DNM3: variants seen among roughly 807,000 people sequenced by gnomAD.
DNM3 encodes the protein dynamin 3, also known as dynamin-3.
In DNM3, 47 loss-of-function variants were observed where a neutral mutation model predicts 101.6. That is an observed-to-expected ratio of 0.46 (90% CI 0.37 to 0.59). The LOEUF is 0.59. DNM3 is among the 20% of genes least tolerant of loss of function. DNM3 has a pLI of 0.00. For synonymous variants in DNM3, 385 were observed against 387.9 expected (o/e 0.99, Z 0.09); for missense variants, 849 against 1,085.7 (o/e 0.78, Z 3.06).
intron 10 of DNM3, among the ~76,000 whole-genome samples, chr1:172,067,186 T>A (rs1171304051): frequency 6.6e-6 from 1 of 152,230 alleles, no homozygotes. Flanking sequence ...AGTTTGTTTT[T>A]CCTTCTGCTT....
intron 17 of DNM3, among the ~76,000 whole-genome samples, chr1:172,353,574 C>T (rs149417377): frequency 6.6e-6 from 1 of 152,256 alleles, no homozygotes; most frequent in African/African-American, 2.4e-5. Context: ...CTTTCTTCCT[C>T]ACAGATATAA....
chr1:172,126,868 G>A (rs1006425921), intron 13 of DNM3, among the ~76,000 whole-genome samples: 1 of 151,834 alleles, frequency 6.6e-6, no homozygotes, highest in African/African-American at 2.4e-5. Flanking sequence ...CTTCAACATC[G>A]TTACACTTCT....
chr1:172,182,877 A>G (rs928146122), intron 14 of DNM3, among the ~76,000 whole-genome samples: 4 of 152,174 alleles, frequency 2.6e-5, no homozygotes, highest in Non-Finnish European at 4.4e-5. Flanking sequence ...TGAGAATAGT[A>G]TCAGCACTTT....
chr1:172,061,545 G>A (rs894035866), intron 10 of DNM3, among the ~76,000 whole-genome samples: 114 of 151,854 alleles, frequency 7.5e-4, no homozygotes, highest in African/African-American at 2.5e-3. Context: ...CGTGTCCTTT[G>A]TAGGGACATG....
At chr1:171,933,260 G>A (rs979854638) in intron 2 of DNM3, among the ~76,000 whole-genome samples, 2 of 152,172 alleles carry the variant, frequency 1.3e-5, no homozygotes, top group African/African-American at 2.4e-5. Flanking sequence ...AATAAAATGG[G>A]GGAAAGAAGC....
chr1:171,895,896 A>T (rs1432463467), intron 1 of DNM3, among the ~76,000 whole-genome samples: 1 of 152,194 alleles, frequency 6.6e-6, no homozygotes, highest in Non-Finnish European at 1.5e-5. Context: ...TAAATAGGGA[A>T]TCCTTTCCCC....
chr1:171,958,825 A>T (rs2043026831), intron 2 of DNM3, among the ~76,000 whole-genome samples: 1 of 152,224 alleles, frequency 6.6e-6, no homozygotes, highest in Admixed American at 6.5e-5. Flanking sequence ...CTTTTGTTAC[A>T]TTCGTTTCTA....
intron 1 of DNM3, among the ~76,000 whole-genome samples, chr1:171,882,891 A>G (rs911935794): frequency 7.2e-5 from 11 of 152,070 alleles, no homozygotes; most frequent in Non-Finnish European, 1.3e-4. Context: ...GTCCAAGGAT[A>G]CTTCTGACAT....
intron 15 of DNM3, among the ~76,000 whole-genome samples, chr1:172,273,410 T>G (rs1490557604): frequency 6.6e-6 from 1 of 152,086 alleles, no homozygotes; most frequent in Non-Finnish European, 1.5e-5. Context: ...GATAAAAATT[T>G]TAAAACTACA....
chr1:172,164,576 G>A (rs1482862582), intron 14 of DNM3, among the ~76,000 whole-genome samples: 2 of 151,830 alleles, frequency 1.3e-5, no homozygotes, highest in African/African-American at 4.8e-5. Flanking sequence ...ATCAAAGGAG[G>A]CCTTTACTAT....
At chr1:172,138,773 T>A in intron 14 of DNM3, 2 of 389,846 alleles carry the variant, frequency 5.1e-6, no homozygotes, top group South Asian at 2.0e-5. Context: ...GAGGGCTGCT[T>A]TCTTTCAATG....
chr1:171,982,978 A>G (rs142583637), intron 2 of DNM3, among the ~76,000 whole-genome samples: 277 of 151,486 alleles, frequency 1.8e-3, no homozygotes, highest in Non-Finnish European at 3.1e-3. Flanking sequence ...CTGGCCTCCT[A>G]TTTCCCTCCC....
intron 14 of DNM3, among the ~76,000 whole-genome samples, chr1:172,220,932 A>T (rs1176458243): frequency 6.6e-6 from 1 of 152,166 alleles, no homozygotes; most frequent in African/African-American, 2.4e-5. Flanking sequence ...ATTGTTAAGA[A>T]GTTGAAATAT....
intron 16 of DNM3, among the ~76,000 whole-genome samples, chr1:172,320,035 T>C (rs933175080): frequency 1.3e-5 from 2 of 151,736 alleles, no homozygotes; most frequent in Non-Finnish European, 2.9e-5. Flanking sequence ...ATATACACCA[T>C]GGAATACTAC....
chr1:171,995,609 A>G (rs893345945), intron 4 of DNM3, among the ~76,000 whole-genome samples: 4 of 152,098 alleles, frequency 2.6e-5, no homozygotes, highest in African/African-American at 9.7e-5. Context: ...TACAACTGTA[A>G]TAACAACAAA....
chr1:172,074,258 G>A (rs2052452559), intron 11 of DNM3, among the ~76,000 whole-genome samples: 1 of 151,916 alleles, frequency 6.6e-6, no homozygotes, highest in Admixed American at 6.6e-5. Context: ...AAATAGAATG[G>A]GCAGGAAAAT....
chr1:172,080,663 A>T (rs1226604666), intron 11 of DNM3, among the ~76,000 whole-genome samples: 2 of 152,078 alleles, frequency 1.3e-5, no homozygotes, highest in East Asian at 3.9e-4. Flanking sequence ...TCCAGGTGCC[A>T]CTGGGGTATG....
rs190592113 is a variant in DNM3, at chr1:172,197,400, T to G, written c.1660-56173T>G. Among the ~76,000 whole-genome samples the G allele has an allele frequency of 6.3e-3, 961 of 152,290 alleles. 5 individuals are homozygous for G. The highest frequency in any genetic ancestry group is 0.01 in the Non-Finnish European group (701 of 67,996). ...TGCCTTGGCTACTCAGGGTCTTTTTTGGTTCCACATGAATTTTAAAATAGT... is the reference window on the plus strand; with the variant it reads ...TGCCTTGGCTACTCAGGGTCTTTTTGGGTTCCACATGAATTTTAAAATAGT... On this transcript the variant is annotated intron_variant, in intron 14 of 20. Transcript: ENST00000627582.
In DNM3 at chr1:172,386,827, A is replaced by G. The variant is rs559384373; in HGVS notation, c.2059-306A>G. On this transcript the variant is annotated intron_variant, in intron 18 of 20. Coordinates refer to ENST00000627582, the MANE Select transcript of DNM3 (RefSeq NM_015569.5). ...TATAAGCCAAACAGCTCCAGACAAT[A>G]TTGTGAAATGCTCACAAAGCCAGCA... 16 of 326,676 alleles carry G rather than the reference A, an allele frequency of 4.9e-5. 1 individual carries two copies. In the South Asian group the frequency reaches 5.4e-4, roughly 11 times the overall value. The allele number at this position is 326,676 out of a possible 1,614,324, so 20.2% of individuals were successfully genotyped here. A position where few individuals can be genotyped will look rare whatever the true frequency, so the allele number is the denominator to read the frequency against.
Sources: allele counts gnomAD v4.1 joint callset (sites outside exome capture counted in the v4.1 genomes callset), GRCh38; gene constraint gnomAD v4.1.1; transcripts MANE v1.5; gene names NCBI Gene and HGNC (gene_info 2026-07-23, HGNC 2026-07-21).